Variants in RIPOR2 observed in about 807,000 individuals in gnomAD.
RIPOR2 encodes the protein rho family-interacting cell polarization regulator 2.
A neutral mutation model predicts 114.5 loss-of-function variants in RIPOR2; 39 were observed. The observed-to-expected ratio is 0.34, with a 90% CI of 0.26 to 0.44. The LOEUF (loss-of-function observed/expected upper bound fraction) is 0.44. Ranked by LOEUF, RIPOR2 falls within the 20% of genes least tolerant of loss-of-function variation. RIPOR2 has a pLI of 1.00. For synonymous variants in RIPOR2, 445 were observed against 484.4 expected, an observed-to-expected ratio of 0.92 and a Z score of 1.07; for missense variants, 1,007 against 1,255.1, an observed-to-expected ratio of 0.80 and a Z score of 2.99.
At chr6:24,889,864 T>C (rs1433739673) in intron 1 of RIPOR2, among the ~76,000 whole-genome samples, 1 of 152,152 alleles carries the variant, frequency 6.6e-6, no homozygotes, top group East Asian at 1.9e-4. Context: ...AAAAGATACC[T>C]GCACCTGTAT....
At chr6:24,840,348 T>A in intron 13 of RIPOR2, 1 of 1,108,940 alleles carries the variant, frequency 9.0e-7, no homozygotes, top group Admixed American at 4.8e-5. Context: ...AGGGAACAAG[T>A]CCCACCACTT....
At chr6:24,970,504 C>T (rs1773733917) in intron 1 of RIPOR2, among the ~76,000 whole-genome samples, 1 of 152,168 alleles carries the variant, frequency 6.6e-6, no homozygotes, top group Admixed American at 6.5e-5. Flanking sequence ...TCTCTGACTC[C>T]AGGCCTACTG....
At chr6:24,895,868 G>GTA (rs970806535) in intron 1 of RIPOR2, among the ~76,000 whole-genome samples, 1 of 152,126 alleles carries the variant, frequency 6.6e-6, no homozygotes, top group Non-Finnish European at 1.5e-5. Flanking sequence ...GCGGGCACCT[G>GTA]TAGTCCCAGC....
chr6:24,873,149 G>C (rs1487131470), intron 3 of RIPOR2, among the ~76,000 whole-genome samples, 190 bp from the exon 4 acceptor site: 1 of 152,184 alleles, frequency 6.6e-6, no homozygotes, highest in African/African-American at 2.4e-5. Context: ...ATACTATCCA[G>C]CTGGGAAAGT....
intron 1 of RIPOR2, among the ~76,000 whole-genome samples, chr6:24,981,647 G>A (rs559668278): frequency 2.6e-5 from 4 of 152,250 alleles, no homozygotes; most frequent in South Asian, 4.2e-4. Context: ...GGTATGTTTC[G>A]CCTTAGTGGG....
intron 1 of RIPOR2, among the ~76,000 whole-genome samples, chr6:24,972,583 T>C (rs1278207421): frequency 6.6e-6 from 1 of 152,194 alleles, no homozygotes; most frequent in Non-Finnish European, 1.5e-5. Context: ...TCAGGGGTTT[T>C]ATGATGTCTC....
At chr6:25,024,317 C>T (rs1776495447) in intron 1 of RIPOR2, 2 of 1,509,124 alleles carry the variant, frequency 1.3e-6, no homozygotes, top group Non-Finnish European at 1.8e-6. Flanking sequence ...CCTTTTTGGC[C>T]CCAAGTTTCA....
chr6:24,850,611 A>T lies in RIPOR2; in HGVS notation c.871T>A (p.Phe291Ile). ...CAATACTGTACCTTGATGGAGATGA[A>T]CCCAACTATCAGGGGCAGAAAAACT... ...ETVFLPLIVG[F>I]ISIKVTELKG... The change falls in exon 10 of 22, where the codon TTC becomes ATC. Residue 291 changes from phenylalanine (F) to isoleucine (I), a missense_variant. Coordinates refer to ENST00000643898, the MANE Select transcript of RIPOR2 (RefSeq NM_001286445.3). 1 of 1,613,904 alleles carries T rather than the reference A, an allele frequency of 6.2e-7. No individual in the cohort carries two copies. The highest frequency in any genetic ancestry group is 1.1e-5 in the South Asian group (1 of 91,074).
intron 13 of RIPOR2, chr6:24,839,646 CA>C (rs1284406728): frequency 2.0e-6 from 3 of 1,538,412 alleles, no homozygotes; most frequent in East Asian, 4.9e-5. Flanking sequence ...ACAAAAAAAA[CA>C]AAAAACAAAA....
intron 8 of RIPOR2, among the ~76,000 whole-genome samples, 152 bp from the exon 9 acceptor site, chr6:24,852,770 T>C (rs911463120): frequency 1.2e-4 from 18 of 152,096 alleles, no homozygotes; most frequent in African/African-American, 4.3e-4. Context: ...GAACAGCTGT[T>C]TTTGGGGGAG....
At chr6:25,036,877 C>G (rs1269001111) in intron 1 of RIPOR2, among the ~76,000 whole-genome samples, 1 of 152,114 alleles carries the variant, frequency 6.6e-6, no homozygotes, top group Non-Finnish European at 1.5e-5. Flanking sequence ...TGTGTTGCCT[C>G]CTGTGTGGTG....
At chr6:24,996,026 T>C (rs1335736416) in intron 1 of RIPOR2, among the ~76,000 whole-genome samples, 1 of 152,156 alleles carries the variant, frequency 6.6e-6, no homozygotes, top group Non-Finnish European at 1.5e-5. Context: ...ATGGTCTTGA[T>C]CTCCTGACCT....
chr6:24,919,470 T>C (rs1228630209), intron 1 of RIPOR2, among the ~76,000 whole-genome samples: 5 of 152,210 alleles, frequency 3.3e-5, no homozygotes, highest in African/African-American at 1.2e-4. Flanking sequence ...ATATCTTTTA[T>C]GGAATCCCGG....
chr6:24,852,172 G>T (rs1001469671), intron 9 of RIPOR2, among the ~76,000 whole-genome samples: 6 of 152,132 alleles, frequency 3.9e-5, no homozygotes, highest in African/African-American at 9.7e-5. Context: ...CGAGGCAGGA[G>T]AATCGCTTGA....
At chr6:24,811,657 C>CTTTTTTTTTTTT in intron 20 of RIPOR2, among the ~76,000 whole-genome samples, 1 of 21,730 alleles carries the variant, frequency 4.6e-5, no homozygotes, top group Non-Finnish European at 1.4e-4. Context: ...TCGTTTAGTA[C>CTTTTTTTTTTTT]TTTTTTTTTT....
intron 6 of RIPOR2, among the ~76,000 whole-genome samples, chr6:24,868,625 T>A (rs904948225): frequency 6.6e-6 from 1 of 152,008 alleles, no homozygotes; most frequent in Non-Finnish European, 1.5e-5. Flanking sequence ...CCATGCCATA[T>A]GAGGGAGAGT....
At chr6:24,892,301 C>T (rs1192732707) in intron 1 of RIPOR2, among the ~76,000 whole-genome samples, 1 of 152,118 alleles carries the variant, frequency 6.6e-6, no homozygotes, top group Non-Finnish European at 1.5e-5. Flanking sequence ...CAAGGTCTTA[C>T]TGTGTTGCCC....
chr6:24,856,095 T>G (rs4437459), intron 8 of RIPOR2, among the ~76,000 whole-genome samples: 125,179 of 152,032 alleles, frequency 0.82, 51,630 homozygotes, highest in Middle Eastern at 0.84. Flanking sequence ...TCACCTGACT[T>G]ATAAACGTTG....
rs202153965 is a variant in RIPOR2 at position 24,875,585 on chromosome 6, C to CG, written c.188+105_188+106insC. On this transcript the variant is annotated intron_variant, in intron 2 of 21. Transcript: ENST00000643898. ...GAAAAAGATTAAAATGGGGAGGAGG[C>CG]CGGGGGGCGGTTTGACAAGGCTGAA... 0.065 allele frequency: 64,711 copies of CG among 997,120 alleles called. 2,818 individuals are homozygous for CG. The highest frequency in any genetic ancestry group is 0.16 in the African/African-American group (9,758 of 60,126). 61.8% of individuals were successfully genotyped at this position (997,120 alleles called of 1,614,324 possible).
Sources: gnomAD v4.1 joint callset for allele counts (sites outside exome capture counted in the v4.1 genomes callset) on GRCh38, gnomAD v4.1.1 for gene constraint, MANE v1.5 for transcripts, NCBI Gene and HGNC (gene_info 2026-07-23, HGNC 2026-07-21) for gene names.